The following SH3BP4 variants were observed in gnomAD, a reference collection of about 807,000 sequenced individuals.
SH3BP4 encodes SH3 domain-binding protein 4.
In SH3BP4, 33 loss-of-function variants were observed where a neutral mutation model predicts 65.5. The observed-to-expected ratio is 0.50, with a 90% confidence interval of 0.38 to 0.67. The LOEUF (loss-of-function observed/expected upper bound fraction) is 0.67, where lower values mean the gene tolerates loss of function less well. SH3BP4 is among the 30% of genes least tolerant of loss of function. SH3BP4 has a pLI of 0.00. For synonymous variants in SH3BP4, 552 were observed against 545.5 expected, an observed-to-expected ratio of 1.01 and a Z score of -0.17; for missense variants, 1,134 against 1,261.4, an observed-to-expected ratio of 0.90 and a Z score of 1.53.
At chr2:234,999,101 G>A (rs1221911675) in intron 2 of SH3BP4, among the ~76,000 whole-genome samples, 1 of 152,216 alleles carries the variant, frequency 6.6e-6, no homozygotes, top group Admixed American at 6.5e-5. Context: ...CGTTGGTGAG[G>A]CCATCAGCTG....
intron 2 of SH3BP4, among the ~76,000 whole-genome samples, chr2:235,021,619 CAAA>C (rs60474372): frequency 0.29 from 29,085 of 101,060 alleles, 2,741 homozygotes; most frequent in East Asian, 0.51. Flanking sequence ...ACTTTGTCTC[CAAA>C]AAAAAAAAAA....
In SH3BP4 at chr2:235,022,320, G is replaced by A. The variant is rs368678638; in HGVS notation, c.-132-12551G>A. On this transcript the variant is annotated intron_variant, in intron 2 of 5. Coordinates refer to ENST00000392011, the MANE Select transcript of SH3BP4 (RefSeq NM_014521.3). ...TGTGATCCCAGCAGTTTCGGAGGCC[G>A]AGGCGGGCAGATCACTTGAGGTCAG... Among the ~76,000 whole-genome samples the A allele has an allele frequency of 4.7e-4, 71 of 152,250 alleles. 2 individuals are homozygous for A. In the South Asian group the frequency reaches 0.014, roughly 31 times the overall value.
chr2:235,053,516 AG>A, intron 5 of SH3BP4, 75 bp from the exon 6 acceptor site: 3 of 1,115,648 alleles, frequency 2.7e-6, no homozygotes, highest in East Asian at 2.4e-5. Context: ...ACCAAGTAAT[AG>A]GAACAAATCT....
intron 3 of SH3BP4, among the ~76,000 whole-genome samples, chr2:235,038,547 A>G (rs1486068662): frequency 1.3e-5 from 2 of 150,212 alleles, no homozygotes; most frequent in Non-Finnish European, 3.0e-5. Flanking sequence ...TAATTTCTTC[A>G]TAAGGAAATG....
chr2:235,038,674 C>T (rs1425016377), intron 3 of SH3BP4, among the ~76,000 whole-genome samples: 1 of 151,676 alleles, frequency 6.6e-6, no homozygotes, highest in African/African-American at 2.4e-5. Flanking sequence ...GACAGCAAGG[C>T]CTGGGCATTG....
At chr2:235,048,103 G>A (rs890844218) in intron 4 of SH3BP4, among the ~76,000 whole-genome samples, 1 of 152,132 alleles carries the variant, frequency 6.6e-6, no homozygotes, top group Non-Finnish European at 1.5e-5. Flanking sequence ...AGGAGTTGAT[G>A]GACAGTGTGC....
rs151189216 is a variant in SH3BP4 at position 234,971,557 on chromosome 2, G to A, written c.-207+19387G>A. On this transcript the variant is annotated intron_variant, in intron 1 of 5. Transcript: ENST00000392011. ...GTAATTCTATTTTTAATTTTTTGAG[G>A]CACTTCCATATTGTTTTCCTTAGCA... Among the ~76,000 whole-genome samples the A allele has an allele frequency of 5.5e-3, 831 of 152,188 alleles. 3 individuals are homozygous for A. Among genetic ancestry groups the A allele is most frequent in the Non-Finnish European group, 9.8e-3 (668 of 68,020 alleles).
At chr2:234,988,698 A>G (rs1693659032) in intron 1 of SH3BP4, among the ~76,000 whole-genome samples, 1 of 152,172 alleles carries the variant, frequency 6.6e-6, no homozygotes, top group Admixed American at 6.5e-5. Context: ...CGCGGGTGCC[A>G]GGAGGAGCTC....
intron 4 of SH3BP4, among the ~76,000 whole-genome samples, chr2:235,050,121 T>C (rs1330618186): frequency 6.6e-6 from 1 of 152,008 alleles, no homozygotes; most frequent in East Asian, 1.9e-4. Context: ...TTTTTTTTTC[T>C]TTTCTTTTTT....
chr2:234,952,340 G>C lies in SH3BP4; in HGVS notation c.-207+170G>C, dbSNP rs2106235185. 6.6e-6 allele frequency among the ~76,000 whole-genome samples: 1 copy of C among 150,644 alleles called. No homozygotes were observed. The highest frequency in any genetic ancestry group is 2.4e-5 in the African/African-American group (1 of 41,330). On this transcript the variant is annotated intron_variant, in intron 1 of 5. Transcript: ENST00000392011. This position sits in a 1 kb window ranked among gnomAD's most constrained non-coding sequence, Gnocchi z 6.5. The stretch of plus-strand genomic sequence containing the variant: ...GGGGCTGCGCGGGTGCCTGGGCGTG[G>C]GGCGGCTTCGGGGAAGCCTCGCGCG...
At chr2:235,015,688 G>A (rs983109032) in intron 2 of SH3BP4, among the ~76,000 whole-genome samples, 8 of 152,214 alleles carry the variant, frequency 5.3e-5, no homozygotes, top group African/African-American at 1.9e-4. Context: ...GCTGTGGGCA[G>A]GTTCTTGAAG....
chr2:235,024,751 A>G (rs1694947111), intron 2 of SH3BP4, among the ~76,000 whole-genome samples: 1 of 152,190 alleles, frequency 6.6e-6, no homozygotes, highest in Non-Finnish European at 1.5e-5. Flanking sequence ...GAAAAGATCT[A>G]TCAAGTTGTA....
intron 1 of SH3BP4, among the ~76,000 whole-genome samples, chr2:234,975,742 G>C (rs1209376884): frequency 6.6e-6 from 1 of 152,068 alleles, no homozygotes; most frequent in Non-Finnish European, 1.5e-5. Context: ...TGGGCATGGT[G>C]GTGCATGCCT....
In SH3BP4 at chr2:235,055,308, C is replaced by A. The variant is rs141783945; in HGVS notation, c.*1492C>A. ...TCCTTAGTATAATCAATGTATACTC[C>A]CTTACTGGCCTGAAACGTTGTATAG... On this transcript the variant is annotated 3_prime_UTR_variant, in exon 6 of 6. Transcript: ENST00000392011. 1 of 152,632 alleles carries A rather than the reference C, an allele frequency of 6.6e-6. No individual in the cohort carries two copies. Among genetic ancestry groups the A allele is most frequent in the Non-Finnish European group, 1.5e-5 (1 of 68,026 alleles). 9.5% of individuals were successfully genotyped at this position (152,632 alleles called of 1,614,324 possible).
At chr2:235,002,683 G>T (rs1049639686) in intron 2 of SH3BP4, among the ~76,000 whole-genome samples, 1 of 152,192 alleles carries the variant, frequency 6.6e-6, no homozygotes, top group Non-Finnish European at 1.5e-5. Context: ...CTGTGATCAC[G>T]CCACTGCACT....
In SH3BP4 at chr2:235,042,024, G is replaced by T; in HGVS notation, c.1255G>T (p.Asp419Tyr). 1 of 1,614,036 alleles carries T rather than the reference G, an allele frequency of 6.2e-7. No homozygotes were observed. The highest frequency in any genetic ancestry group is 1.1e-5 in the South Asian group (1 of 91,062). The change falls in exon 4 of 6, where the codon GAC becomes TAC. Residue 419 changes from aspartate (D) to tyrosine (Y), a missense_variant. Asp to Tyr is a radical substitution (Grantham distance 160). Coordinates refer to ENST00000392011, the MANE Select transcript of SH3BP4 (RefSeq NM_014521.3). The surrounding 1 kb of genome is among the most constrained non-coding windows in gnomAD (Gnocchi z 7.3). ...STVGLQCLRSDSKEGPYVSVP... is the reference protein window; with the variant it reads ...STVGLQCLRSYSKEGPYVSVP... ...AGTGGGCCTCCAGTGCCTGAGGAGC[G>T]ACTCGAAGGAAGGGCCATATGTCTC...
rs754691187 is a variant in SH3BP4 at position 234,997,990 on chromosome 2, G to A, written c.-133+2614G>A. Among the ~76,000 whole-genome samples, 1 of 152,126 alleles carries A rather than the reference G, an allele frequency of 6.6e-6. No individual in the cohort carries two copies. The highest frequency in any genetic ancestry group is 2.1e-4 in the South Asian group (1 of 4,824). The stretch of plus-strand genomic sequence containing the variant: ...ACAAAAAAATTAGCCGGGCGTGGTG[G>A]TGGGCGCCTATAGTCCCAGCTACTT... On this transcript the variant is annotated intron_variant, in intron 2 of 5. Transcript: ENST00000392011. This position sits in a 1 kb window ranked among gnomAD's most constrained non-coding sequence, Gnocchi z 4.2.
Position 235,043,128 on chromosome 2 carries a change from T to C in SH3BP4, c.2359T>C (p.Cys787Arg), listed in dbSNP as rs748958661. The C allele has an allele frequency of 4.3e-6, 7 of 1,613,668 alleles. No homozygotes were observed. Among genetic ancestry groups the C allele is most frequent in the Admixed American group, 1.7e-5 (1 of 60,000 alleles). Reference protein sequence around the residue: ...GYVNLPLTFFCRAELDSEPER... With the variant: ...GYVNLPLTFFRRAELDSEPER... The stretch of plus-strand genomic sequence containing the variant: ...CGTGAACCTGCCGCTCACCTTTTTC[T>C]GCCGGGCAGAGCTGGATAGTGAGCC... Residue 787 changes from cysteine to arginine, a missense_variant, in exon 4 of 6, where the codon TGC (cysteine) becomes CGC (arginine). By Grantham distance (180) the Cys-to-Arg change is radical (BLOSUM62 -3). Transcript: ENST00000392011.
chr2:235,047,631 T>C (rs1361562000), intron 4 of SH3BP4, among the ~76,000 whole-genome samples: 1 of 152,142 alleles, frequency 6.6e-6, no homozygotes, highest in South Asian at 2.1e-4. Flanking sequence ...GGGAGTCAGC[T>C]GGAGATAGCC....
Sources: allele counts gnomAD v4.1 joint callset (sites outside exome capture counted in the v4.1 genomes callset), GRCh38; gene constraint gnomAD v4.1.1; non-coding constraint Gnocchi (gnomAD v3.1); transcripts MANE v1.5; gene names NCBI Gene and HGNC (gene_info 2026-07-23, HGNC 2026-07-21).